The following SLC30A8 variants were observed in gnomAD, a reference collection of about 807,000 sequenced individuals.
SLC30A8 encodes proton-coupled zinc antiporter SLC30A8.
Under a neutral mutation model 36.9 loss-of-function variants are expected in SLC30A8, and 27 were observed. That is an observed-to-expected ratio of 0.73 (90% confidence interval 0.54 to 1.01). SLC30A8 has a LOEUF of 1.01. SLC30A8 is among the 50% of genes least tolerant of loss of function. The pLI is 0.00. For missense variants in SLC30A8, 439 were observed against 452.0 expected (o/e 0.97, Z 0.26); for synonymous variants, 164 against 172.4 (o/e 0.95, Z 0.38).
intron 1 of SLC30A8, among the ~76,000 whole-genome samples, chr8:117,023,506 T>C (rs1310967756): frequency 6.6e-6 from 1 of 151,962 alleles, no homozygotes; most frequent in African/African-American, 2.4e-5. Context: ...ATTAAGAAAA[T>C]GTGGCACATA....
intron 1 of SLC30A8, among the ~76,000 whole-genome samples, chr8:116,987,211 A>G (rs950073529): frequency 8.2e-5 from 12 of 146,778 alleles, no homozygotes; most frequent in Middle Eastern, 3.2e-3. Context: ...TCTGTTAAGG[A>G]TGGATGATTA....
intron 2 of SLC30A8, among the ~76,000 whole-genome samples, chr8:117,124,849 C>T (rs1013002494): frequency 2.6e-5 from 4 of 151,384 alleles, no homozygotes; most frequent in Admixed American, 1.3e-4. Flanking sequence ...ACCTGGATGA[C>T]GGGATCCATA....
intron 2 of SLC30A8, among the ~76,000 whole-genome samples, chr8:117,072,534 C>T (rs1364005945): frequency 6.6e-6 from 1 of 152,122 alleles, no homozygotes; most frequent in Non-Finnish European, 1.5e-5. Context: ...CATCATACAA[C>T]CACAATAAGA....
chr8:117,151,644 C>T lies in SLC30A8; in HGVS notation c.272-1300C>T, dbSNP rs192958126. 2.0e-3 allele frequency among the ~76,000 whole-genome samples: 305 copies of T among 152,318 alleles called. 1 individual carries two copies. The highest frequency in any genetic ancestry group is 7.0e-3 in the African/African-American group (293 of 41,572). ...TGAAGAGAGTTTATAAAACTGACTT[C>T]ATTTCCTTGATTTAGACTATATTTC... is the stretch of plus-strand genomic sequence containing the variant. On this transcript the variant is annotated intron_variant, in intron 2 of 7. Transcript: ENST00000456015.
chr8:117,033,521 G>A (rs1014382407), intron 1 of SLC30A8, among the ~76,000 whole-genome samples: 2 of 152,242 alleles, frequency 1.3e-5, no homozygotes, highest in African/African-American at 4.8e-5. Context: ...CTTTAGGGGT[G>A]ATGAAATGTT....
chr8:117,061,703 A>T (rs1586457576), intron 2 of SLC30A8, among the ~76,000 whole-genome samples: 2 of 152,214 alleles, frequency 1.3e-5, no homozygotes, highest in African/African-American at 4.8e-5. Flanking sequence ...GCACTGGGGC[A>T]TGAAAAGGCT....
chr8:117,018,672 C>A (rs1240693656), intron 1 of SLC30A8, among the ~76,000 whole-genome samples: 9 of 123,422 alleles, frequency 7.3e-5, no homozygotes, highest in African/African-American at 1.6e-4. Context: ...AGCCCCCCCC[C>A]CCCTTTTTTT....
chr8:117,080,530 T>C (rs1167279216), intron 2 of SLC30A8, among the ~76,000 whole-genome samples: 1 of 152,176 alleles, frequency 6.6e-6, no homozygotes, highest in African/African-American at 2.4e-5. Context: ...TGTTCCCATC[T>C]TTATGTCCAT....
rs185764152 is a variant in SLC30A8 at position 116,958,593 on chromosome 8, T to C, written c.-266+7474T>C. The stretch of plus-strand genomic sequence containing the variant: ...GTAGTGTGTCGGCTGCATTTAAGAT[T>C]TTTCTTTTTATTACTGGTCTTTAGC... On this transcript the variant is annotated intron_variant, in intron 1 of 10. Transcript: ENST00000427715. 2.6e-5 allele frequency among the ~76,000 whole-genome samples: 4 copies of C among 152,102 alleles called. No homozygotes were observed. The East Asian group carries it at 7.7e-4, about 29-fold the overall frequency.
intron 2 of SLC30A8, among the ~76,000 whole-genome samples, chr8:117,096,699 ATAT>A (rs1268008434): frequency 2.6e-5 from 4 of 152,178 alleles, no homozygotes; most frequent in Admixed American, 2.0e-4. Flanking sequence ...ATTATTAATA[ATAT>A]TATTATAAGT....
intron 2 of SLC30A8, among the ~76,000 whole-genome samples, chr8:117,129,078 T>C (rs1442107953): frequency 6.6e-6 from 1 of 152,012 alleles, no homozygotes; most frequent in Non-Finnish European, 1.5e-5. Context: ...AGAGCAGAAT[T>C]TAATACACTG....
intron 2 of SLC30A8, among the ~76,000 whole-genome samples, chr8:117,061,338 C>T (rs1039060794): frequency 6.6e-6 from 1 of 152,244 alleles, no homozygotes; most frequent in African/African-American, 2.4e-5. Flanking sequence ...GCATACACCA[C>T]TGGAAAAATA....
intron 1 of SLC30A8, among the ~76,000 whole-genome samples, chr8:117,002,024 C>T (rs1816024915): frequency 6.6e-6 from 1 of 152,126 alleles, no homozygotes; most frequent in Non-Finnish European, 1.5e-5. Flanking sequence ...TAATTAACTG[C>T]CCAAGTAAAT....
chr8:117,000,246 A>C (rs918835291), intron 1 of SLC30A8, among the ~76,000 whole-genome samples: 1 of 152,148 alleles, frequency 6.6e-6, no homozygotes, highest in Admixed American at 6.5e-5. Context: ...GGGTGTGGGC[A>C]GTGATGGGGG....
rs183596495 is a variant in SLC30A8, at chr8:117,024,800, T to A, written c.-265-14419T>A. Among the ~76,000 whole-genome samples, 79 of 152,322 alleles carry A rather than the reference T, an allele frequency of 5.2e-4. 1 individual carries two copies. The East Asian group carries it at 0.013, about 26-fold the overall frequency. On this transcript the variant is annotated intron_variant, in intron 1 of 10. Coordinates refer to the SLC30A8 transcript ENST00000427715. ...TCTGCCCATCATTATTTGTTTTTTT[T>A]AATTTTTTTCCAAGTTTTATTTTAA...
chr8:117,148,521 C>CAA (rs1822009992), intron 2 of SLC30A8, among the ~76,000 whole-genome samples: 1 of 151,998 alleles, frequency 6.6e-6, no homozygotes, highest in Admixed American at 6.6e-5. Context: ...CAAAGAAAAG[C>CAA]AAAGGCTATT....
chr8:116,974,728 A>G (rs1414523049), intron 1 of SLC30A8, among the ~76,000 whole-genome samples: 1 of 152,152 alleles, frequency 6.6e-6, no homozygotes, highest in Non-Finnish European at 1.5e-5. Context: ...CTGTAAAGAC[A>G]CATGCACACG....
chr8:117,049,640 C>G (rs902216520), intron 2 of SLC30A8, among the ~76,000 whole-genome samples: 1 of 152,158 alleles, frequency 6.6e-6, no homozygotes, highest in African/African-American at 2.4e-5. Context: ...ATATGTGTTC[C>G]CAGGTGGGCA....
At chr8:117,049,286 C>T (rs2130769422) in intron 2 of SLC30A8, among the ~76,000 whole-genome samples, 1 of 152,330 alleles carries the variant, frequency 6.6e-6, no homozygotes, top group African/African-American at 2.4e-5. Flanking sequence ...ATGCCAACCA[C>T]TGGCAACTTA....
Sources: gnomAD v4.1 joint callset for allele counts (sites outside exome capture counted in the v4.1 genomes callset) on GRCh38, gnomAD v4.1.1 for gene constraint, MANE v1.5 for transcripts, NCBI Gene and HGNC (gene_info 2026-07-23, HGNC 2026-07-21) for gene names.